Variants in MED27 observed in about 807,000 individuals in gnomAD.
MED27 encodes mediator of RNA polymerase II transcription subunit 27.
In MED27, 30 loss-of-function variants were observed where a neutral mutation model predicts 38.2. That is an observed-to-expected ratio of 0.79 (90% confidence interval 0.59 to 1.07). The LOEUF is 1.07. Ranked by LOEUF, MED27 falls within the 50% of genes least tolerant of loss-of-function variation. The pLI, the probability that MED27 is intolerant of heterozygous loss-of-function variation, is 0.00. For synonymous variants in MED27, 122 were observed against 153.5 expected (o/e 0.79, Z 1.52); for missense variants, 289 against 397.5 (o/e 0.73, Z 2.32).
In MED27 at chr9:131,998,128, C is replaced by T. The variant is rs1360814941; in HGVS notation, c.479+16209G>A. On this transcript the variant is annotated intron_variant, in intron 3 of 7. Coordinates refer to ENST00000292035, the MANE Select transcript of MED27 (RefSeq NM_004269.4). Reference sequence around the variant, plus strand: ...ACCATCCCCTCCATTTGCAAAGAACCAGAAGGAATGGGCGAGGTTCACACG... The same window carrying T: ...ACCATCCCCTCCATTTGCAAAGAACTAGAAGGAATGGGCGAGGTTCACACG... Among the ~76,000 whole-genome samples the T allele has an allele frequency of 3.3e-5, 5 of 151,808 alleles. No individual in the cohort carries two copies. The East Asian group carries it at 5.8e-4, about 18-fold the overall frequency.
At chr9:131,967,945 T>C (rs1831387120) in intron 3 of MED27, among the ~76,000 whole-genome samples, 1 of 150,988 alleles carries the variant, frequency 6.6e-6, no homozygotes, top group African/African-American at 2.4e-5. Flanking sequence ...AGCCTCCTGA[T>C]TAGCTGGGAC....
intron 3 of MED27, among the ~76,000 whole-genome samples, chr9:132,001,130 C>T (rs1832224669): frequency 6.6e-6 from 1 of 151,932 alleles, no homozygotes; most frequent in African/African-American, 2.4e-5. Flanking sequence ...AAAGTATATG[C>T]TGTATAGTTC....
rs760346278 is a variant in MED27, at chr9:131,862,641, G to A, written c.801+422C>T. 3.3e-5 allele frequency among the ~76,000 whole-genome samples: 5 copies of A among 152,204 alleles called. No individual in the cohort carries two copies. The highest frequency in any genetic ancestry group is 1.3e-4 in the Admixed American group (2 of 15,278). On this transcript the variant is annotated intron_variant, in intron 7 of 7. Coordinates refer to ENST00000292035, the MANE Select transcript of MED27 (RefSeq NM_004269.4). The surrounding 1 kb of genome is among the most constrained non-coding windows in gnomAD (Gnocchi z 4.6). ...GCTGCAGCACCCCATTGGAATGGCTGCTTTGGGGCTGCTATCATCTCGAGC... is the reference window on the plus strand; with the variant it reads ...GCTGCAGCACCCCATTGGAATGGCTACTTTGGGGCTGCTATCATCTCGAGC...
rs1838653565 is a variant in MED27, at chr9:131,861,640, A to G, written c.802-968T>C. Among the ~76,000 whole-genome samples, 1 of 152,204 alleles carries G rather than the reference A, an allele frequency of 6.6e-6. No homozygotes were observed. The highest frequency in any genetic ancestry group is 1.5e-5 in the Non-Finnish European group (1 of 68,040). On this transcript the variant is annotated intron_variant, in intron 7 of 7. Coordinates refer to ENST00000292035, the MANE Select transcript of MED27 (RefSeq NM_004269.4). The surrounding 1 kb of genome is among the most constrained non-coding windows in gnomAD (Gnocchi z 4.4). The stretch of plus-strand genomic sequence containing the variant: ...AACTACTTATTTTTCCCTAAGTAGA[A>G]GAAGTTCTGTCTCTGCCACAAATAG...
Position 131,987,533 on chromosome 9 carries a change from C to T in MED27, c.479+26804G>A, listed in dbSNP as rs540481654. The stretch of plus-strand genomic sequence containing the variant: ...AATAGAGTCTGTCTTAAAGAAATCA[C>T]TACCTCCCACTAAATAATCACACCT... On this transcript the variant is annotated intron_variant, in intron 3 of 7. Coordinates refer to ENST00000292035, the MANE Select transcript of MED27 (RefSeq NM_004269.4). Among the ~76,000 whole-genome samples the T allele has an allele frequency of 2.2e-3, 330 of 152,284 alleles. 1 individual carries two copies. Among genetic ancestry groups the T allele is most frequent in the Admixed American group, 3.6e-3 (55 of 15,302 alleles).
intron 4 of MED27, among the ~76,000 whole-genome samples, chr9:131,908,740 G>A (rs1022135484): frequency 6.6e-6 from 1 of 152,058 alleles, no homozygotes; most frequent in Non-Finnish European, 1.5e-5. Context: ...CAAACACTGC[G>A]GAAGGCCGCA....
intron 2 of MED27, among the ~76,000 whole-genome samples, chr9:132,055,280 A>G (rs1352800062): frequency 1.3e-5 from 2 of 152,200 alleles, no homozygotes; most frequent in African/African-American, 4.8e-5. Context: ...TTCCTGAAAC[A>G]AGGGACCCAA....
intron 6 of MED27, 135 bp from the exon 7 acceptor site, chr9:131,863,275 C>T: frequency 2.8e-6 from 2 of 710,232 alleles, no homozygotes; most frequent in Non-Finnish European, 4.7e-6. Flanking sequence ...AAAATAAAAT[C>T]TCTGTAGAAA....
In MED27 at chr9:131,917,534, A is replaced by C. The variant is rs770096343; in HGVS notation, c.573+21847T>G. ...CGGCTGGAGCAAGGGTTCAGACGAC[A>C]GGAGATGAGAGCAGTGAAGATGGGG... On this transcript the variant is annotated intron_variant, in intron 4 of 7. Transcript: ENST00000292035. This position sits in a 1 kb window ranked among gnomAD's most constrained non-coding sequence, Gnocchi z 4.6. Among the ~76,000 whole-genome samples the C allele has an allele frequency of 1.8e-4, 27 of 152,048 alleles. No homozygotes were observed. The highest frequency in any genetic ancestry group is 3.2e-4 in the Non-Finnish European group (22 of 68,012).
chr9:131,993,230 GTT>G (rs34742134), intron 3 of MED27, among the ~76,000 whole-genome samples: 122 of 148,974 alleles, frequency 8.2e-4, no homozygotes, highest in Non-Finnish European at 1.4e-3. Context: ...TGTTATTCAT[GTT>G]TTTTTTTTTT....
At chr9:131,884,174 C>T (rs1488839030) in intron 5 of MED27, 75 bp from the exon 6 acceptor site, 2 of 1,142,110 alleles carry the variant, frequency 1.8e-6, no homozygotes, top group African/African-American at 3.2e-5. Context: ...ATTGTAACTA[C>T]TGTTAACCCT....
At chr9:132,013,527 T>C (rs1832528575) in intron 3 of MED27, among the ~76,000 whole-genome samples, 1 of 152,200 alleles carries the variant, frequency 6.6e-6, no homozygotes, top group Admixed American at 6.5e-5. Flanking sequence ...CTGTATGCTC[T>C]GTGAAGCTTA....
chr9:132,049,622 C>G (rs990098647), intron 2 of MED27, among the ~76,000 whole-genome samples: 1 of 152,264 alleles, frequency 6.6e-6, no homozygotes, highest in Non-Finnish European at 1.5e-5. Flanking sequence ...ATACGGTCAG[C>G]CCAGCCGGGA....
intron 3 of MED27, among the ~76,000 whole-genome samples, chr9:131,943,535 C>T (rs905642747): frequency 6.6e-6 from 1 of 152,130 alleles, no homozygotes; most frequent in African/African-American, 2.4e-5. Flanking sequence ...TGCTCCCCTC[C>T]TACACTTCCA....
chr9:131,920,431 C>CT (rs1830367877), intron 4 of MED27, among the ~76,000 whole-genome samples: 1 of 152,216 alleles, frequency 6.6e-6, no homozygotes, highest in Non-Finnish European at 1.5e-5. Flanking sequence ...TGAATCAACA[C>CT]TTACTCAACC....
chr9:131,997,324 T>A lies in MED27; in HGVS notation c.479+17013A>T, dbSNP rs923607786. On this transcript the variant is annotated intron_variant, in intron 3 of 7. Transcript: ENST00000292035. The surrounding 1 kb of genome is among the most constrained non-coding windows in gnomAD (Gnocchi z 4.0). ...CTGCTGTCTGGCTACAGGACAGCGA[T>A]CGACATACAGCCTCCAGCTATCGGC... Among the ~76,000 whole-genome samples the A allele has an allele frequency of 1.3e-5, 2 of 152,158 alleles. No homozygotes were observed. Among genetic ancestry groups the A allele is most frequent in the African/African-American group, 4.8e-5 (2 of 41,430 alleles).
At chr9:131,864,196 A>G (rs1241676127) in intron 6 of MED27, among the ~76,000 whole-genome samples, 1 of 152,162 alleles carries the variant, frequency 6.6e-6, no homozygotes, top group Non-Finnish European at 1.5e-5. Flanking sequence ...TAAAAACAAA[A>G]CAGGCCAGGT....
At chr9:132,007,663 GAC>G (rs1832387282) in intron 3 of MED27, among the ~76,000 whole-genome samples, 1 of 152,108 alleles carries the variant, frequency 6.6e-6, no homozygotes, top group African/African-American at 2.4e-5. Context: ...TCTTACAGGA[GAC>G]AGTTTTCAGG....
intron 2 of MED27, among the ~76,000 whole-genome samples, chr9:132,063,972 G>T (rs1419825613): frequency 6.6e-6 from 1 of 152,138 alleles, no homozygotes; most frequent in African/African-American, 2.4e-5. Context: ...ACGCACTTCC[G>T]CCTTGTTGCT....
Sources: allele counts gnomAD v4.1 joint callset (sites outside exome capture counted in the v4.1 genomes callset), GRCh38; gene constraint gnomAD v4.1.1; non-coding constraint Gnocchi (gnomAD v3.1); transcripts MANE v1.5; gene names NCBI Gene and HGNC (gene_info 2026-07-23, HGNC 2026-07-21).